Variants in AGPAT5 observed in about 807,000 individuals in gnomAD.
The protein encoded by AGPAT5 is 1-acyl-sn-glycerol-3-phosphate acyltransferase epsilon.
A neutral mutation model predicts 45.6 loss-of-function variants in AGPAT5; 46 were observed. That is an observed-to-expected ratio of 1.01 (90% CI 0.80 to 1.29). AGPAT5 has a LOEUF of 1.29. Among genes scored for constraint, AGPAT5 ranks in the 50% most tolerant of loss-of-function variants. The pLI, the probability that AGPAT5 is intolerant of heterozygous loss-of-function variation, is 0.00. For synonymous variants in AGPAT5, 272 were observed against 167.0 expected (o/e 1.63, Z -4.85); for missense variants, 673 against 450.7 (o/e 1.49, Z -4.47).
intron 1 of AGPAT5, among the ~76,000 whole-genome samples, chr8:6,718,059 A>C (rs986930461): frequency 6.6e-6 from 1 of 152,216 alleles, no homozygotes; most frequent in Non-Finnish European, 1.5e-5. Flanking sequence ...TTGTCATGCT[A>C]TTTTGAAGAC....
intron 2 of AGPAT5, among the ~76,000 whole-genome samples, chr8:6,725,527 C>A (rs554347536): frequency 6.6e-6 from 1 of 152,228 alleles, no homozygotes; most frequent in East Asian, 1.9e-4. Context: ...ATTCTAGAGT[C>A]CCAAGAATTT....
chr8:6,741,977 G>A lies in AGPAT5; in HGVS notation c.586+226G>A, dbSNP rs542372704. Reference sequence around the variant, plus strand: ...GAAATTAAGTTGAAGTGCTTGTTACGATACATATTCTTGTGCCATGGATTT... The same window carrying A: ...GAAATTAAGTTGAAGTGCTTGTTACAATACATATTCTTGTGCCATGGATTT... On this transcript the variant is annotated intron_variant, in intron 5 of 7. Transcript: ENST00000285518. Among the ~76,000 whole-genome samples, 9 of 152,170 alleles carry A rather than the reference G, an allele frequency of 5.9e-5. No homozygotes were observed. In the South Asian group the frequency reaches 1.5e-3, roughly 25 times the overall value.
At chr8:6,709,054 C>T (rs1250616201) in intron 1 of AGPAT5, 167 bp downstream of exon 1, 8 of 747,616 alleles carry the variant, frequency 1.1e-5, no homozygotes, top group Non-Finnish European at 1.6e-5. Flanking sequence ...TCCTGCCGTT[C>T]TGCCGAGATC....
At chr8:6,736,148 A>G (rs1801046891) in intron 4 of AGPAT5, among the ~76,000 whole-genome samples, 1 of 152,148 alleles carries the variant, frequency 6.6e-6, no homozygotes, top group Non-Finnish European at 1.5e-5. Flanking sequence ...CACCACGCCC[A>G]GCCTTCTTCA....
chr8:6,708,944 ACCTC>A, intron 1 of AGPAT5, 57 bp downstream of exon 1: 1 of 1,502,242 alleles, frequency 6.7e-7, no homozygotes, highest in Non-Finnish European at 9.0e-7. Flanking sequence ...GGGGGCGCGG[ACCTC>A]TCCGCTCCCC....
chr8:6,730,928 G>T, intron 3 of AGPAT5, 102 bp downstream of exon 3: 1 of 681,060 alleles, frequency 1.5e-6, no homozygotes, highest in South Asian at 2.4e-5. Context: ...GAGTGCAGTG[G>T]TGTGAACACA....
At chr8:6,742,742 G>C (rs547465063) in intron 5 of AGPAT5, among the ~76,000 whole-genome samples, 74 of 152,286 alleles carry the variant, frequency 4.9e-4, no homozygotes, top group African/African-American at 1.7e-3. Context: ...GAGCAGATAT[G>C]TCATAGGTAT....
intron 6 of AGPAT5, among the ~76,000 whole-genome samples, chr8:6,749,670 C>T (rs1160356537): frequency 3.9e-5 from 6 of 152,162 alleles, no homozygotes; most frequent in South Asian, 4.1e-4. Context: ...TTTAAACTAT[C>T]GAAGGAGTTA....
intron 1 of AGPAT5, among the ~76,000 whole-genome samples, chr8:6,713,719 A>C (rs567609575): frequency 9.4e-5 from 7 of 74,752 alleles, no homozygotes; most frequent in East Asian, 7.0e-4. Context: ...ATGCCCAGCT[A>C]ATTTTTTTTT....
chr8:6,747,596 T>A, intron 5 of AGPAT5, 74 bp from the exon 6 acceptor site: 1 of 1,351,368 alleles, frequency 7.4e-7, no homozygotes. Flanking sequence ...AATTTAAAAA[T>A]AATTTAGATG....
chr8:6,739,660 C>T (rs1010892162), intron 4 of AGPAT5, among the ~76,000 whole-genome samples: 2 of 151,958 alleles, frequency 1.3e-5, no homozygotes, highest in African/African-American at 4.8e-5. Flanking sequence ...AAATATATTC[C>T]TTAGGATTTC....
At chr8:6,730,871 ATTTTT>A (rs59149072) in intron 3 of AGPAT5, 45 bp downstream of exon 3, 38 of 936,084 alleles carry the variant, frequency 4.1e-5, no homozygotes, top group African/African-American at 3.0e-4. Context: ...TAGTTTATAA[ATTTTT>A]TTTTTTTTTT....
chr8:6,708,789 T>A lies in AGPAT5; in HGVS notation c.121T>A (p.Phe41Ile). The A allele has an allele frequency of 6.2e-7, 1 of 1,610,058 alleles. No homozygotes were observed. The highest frequency in any genetic ancestry group is 8.5e-7 in the Non-Finnish European group (1 of 1,179,670). Reference protein sequence around the residue: ...AWGVWRLLSAFLPARFYQALD... With the variant: ...AWGVWRLLSAILPARFYQALD... ...GGGGGTCTGGCGGCTGCTCTCCGCC[T>A]TCCTGCCCGCCCGCTTCTACCAAGC... is the stretch of plus-strand genomic sequence containing the variant. Residue 41 changes from phenylalanine to isoleucine, a missense_variant, in exon 1 of 8, where the codon TTC becomes ATC. Phe to Ile is a conservative substitution (Grantham distance 21). Transcript: ENST00000285518.
At chr8:6,741,019 G>A (rs1012494704) in intron 4 of AGPAT5, among the ~76,000 whole-genome samples, 3 of 152,070 alleles carry the variant, frequency 2.0e-5, no homozygotes. Flanking sequence ...GCAGATAAGC[G>A]TAAAAACTTA....
chr8:6,740,064 A>C (rs1025405444), intron 4 of AGPAT5, among the ~76,000 whole-genome samples: 16 of 152,166 alleles, frequency 1.1e-4, no homozygotes. Flanking sequence ...AGTTCCTGGA[A>C]CATAATAAGT....
Position 6,742,130 on chromosome 8 carries a change from A to T in AGPAT5, c.586+379A>T, listed in dbSNP as rs752374003. ...AGTTGGAGTCCAAACTCGTACTTTT[A>T]TTAGCTGTATGGTTGCAACTTGGAA... is the stretch of plus-strand genomic sequence containing the variant. On this transcript the variant is annotated intron_variant, in intron 5 of 7. Coordinates refer to ENST00000285518, the MANE Select transcript of AGPAT5 (RefSeq NM_018361.5). Among the ~76,000 whole-genome samples the T allele has an allele frequency of 5.7e-4, 87 of 152,288 alleles. 1 individual carries two copies. Among genetic ancestry groups the T allele is most frequent in the Non-Finnish European group, 1.0e-3 (68 of 68,016 alleles).
chr8:6,715,281 A>G (rs906405268), intron 1 of AGPAT5, among the ~76,000 whole-genome samples: 5 of 152,222 alleles, frequency 3.3e-5, no homozygotes, highest in African/African-American at 1.2e-4. Context: ...ATTTGTGTGG[A>G]GCTCTGTAAA....
intron 1 of AGPAT5, among the ~76,000 whole-genome samples, chr8:6,719,252 G>T (rs1466129126): frequency 6.6e-6 from 1 of 152,226 alleles, no homozygotes; most frequent in African/African-American, 2.4e-5. Context: ...TTTTACATTA[G>T]GTTCAAAATT....
intron 2 of AGPAT5, among the ~76,000 whole-genome samples, chr8:6,730,218 T>C (rs1354717096): frequency 6.6e-6 from 1 of 150,860 alleles, no homozygotes; most frequent in Non-Finnish European, 1.5e-5. Context: ...AAAAAGCCTT[T>C]CAAGAAATGC....
Sources: allele counts gnomAD v4.1 joint callset (sites outside exome capture counted in the v4.1 genomes callset), GRCh38; gene constraint gnomAD v4.1.1; transcripts MANE v1.5; gene names NCBI Gene and HGNC (gene_info 2026-07-23, HGNC 2026-07-21).